MAGEB16: variants seen among roughly 807,000 people sequenced by gnomAD.
MAGEB16 encodes the protein MAGE family member B16, also known as melanoma-associated antigen B16.
For missense variants in MAGEB16, 217 were observed against 234.0 expected (o/e 0.93, Z 0.47); for synonymous variants, 95 against 92.1 (o/e 1.03, Z -0.18).
chrX:35,799,702 C>A (rs1440301284), intron 1 of MAGEB16, among the ~76,000 whole-genome samples: 1 of 111,570 alleles, frequency 9.0e-6, no homozygotes, highest in African/African-American at 3.3e-5. Context: ...TCCACACACT[C>A]CTCTATGGTG....
intron 1 of MAGEB16, among the ~76,000 whole-genome samples, chrX:35,799,527 G>C (rs1338971559): frequency 8.9e-6 from 1 of 111,828 alleles, no homozygotes; most frequent in Non-Finnish European, 1.9e-5. Context: ...TTAGGGAAGT[G>C]AAGGTTTTGT....
chrX:35,802,388 T>C, exon 2 of MAGEB16: 1 of 1,207,966 alleles, frequency 8.3e-7, no homozygotes, highest in Non-Finnish European at 1.1e-6. Flanking sequence ...CTCTTGAGGT[T>C]CCTCAGAGTT....
chrX:35,800,056 C>T (rs775359080), intron 1 of MAGEB16, among the ~76,000 whole-genome samples: 1 of 111,313 alleles, frequency 9.0e-6, no homozygotes, highest in South Asian at 3.8e-4. Flanking sequence ...CCACAGTCTC[C>T]ACCCATGGTG....
At chrX:35,803,755 A>G (rs1363316371), downstream of MAGEB16, 1 of 121,139 alleles carries the variant, frequency 8.3e-6, no homozygotes, top group Non-Finnish European at 1.9e-5. Flanking sequence ...TTTGGAATAA[A>G]AAATAGATAA....
At chrX:35,802,854 G>A (rs1158430791) in exon 2 of MAGEB16, 1 of 1,211,976 alleles carries the variant, frequency 8.3e-7, no homozygotes, top group Non-Finnish European at 1.1e-6. Flanking sequence ...GGGCAACCGT[G>A]CCACTGAAGA....
chrX:35,799,357 G>A (rs899293071), intron 1 of MAGEB16, among the ~76,000 whole-genome samples: 51 of 111,101 alleles, frequency 4.6e-4, no homozygotes, highest in African/African-American at 1.2e-3. Flanking sequence ...CCGACTGGAG[G>A]GAACACATTA....
intron 1 of MAGEB16, chrX:35,800,558 C>T: frequency 1.9e-6 from 1 of 525,496 alleles, no homozygotes; most frequent in Non-Finnish European, 3.5e-6. Context: ...GAAGCCCAAC[C>T]AGTAGTCAAA....
chrX:35,799,941 C>G (rs1025136037), intron 1 of MAGEB16, among the ~76,000 whole-genome samples: 1 of 111,069 alleles, frequency 9.0e-6, no homozygotes, highest in Non-Finnish European at 1.9e-5. Context: ...TTTGAGGGAG[C>G]TAAGTAAGGC....
intron 1 of MAGEB16, chrX:35,800,533 C>T: frequency 1.9e-6 from 1 of 525,300 alleles, no homozygotes; most frequent in Non-Finnish European, 3.5e-6. Flanking sequence ...CATTAGCTAT[C>T]AGAAGATGGG....
At chrX:35,802,632 G>T (rs1009330361) in exon 2 of MAGEB16, 3 of 1,210,800 alleles carry the variant, frequency 2.5e-6, no homozygotes, top group Non-Finnish European at 3.4e-6. Context: ...TATCATCAAA[G>T]ATGATGAGAG....
intron 1 of MAGEB16, among the ~76,000 whole-genome samples, chrX:35,799,700 C>G (rs1242110328): frequency 9.0e-6 from 1 of 111,690 alleles, no homozygotes; most frequent in African/African-American, 3.3e-5. Flanking sequence ...CATCCACACA[C>G]TCCTCTATGG....
rs193274417 is a variant in MAGEB16, at chrX:35,799,208, G to C, written c.-67+790G>C. On this transcript the variant is annotated intron_variant, in intron 1 of 1. Transcript: ENST00000399988. ...CTGAATGAGTTTTAAGGTTCTGCAGGCTCCACAAAAGAGGTTGTGCCACAG... is the reference window on the plus strand; with the variant it reads ...CTGAATGAGTTTTAAGGTTCTGCAGCCTCCACAAAAGAGGTTGTGCCACAG... 4.0e-3 allele frequency among the ~76,000 whole-genome samples: 446 copies of C among 110,338 alleles called. 5 individuals carry two copies. Among genetic ancestry groups the C allele is most frequent in the African/African-American group, 0.014 (424 of 30,281 alleles).
chrX:35,799,073 G>A (rs1006846897), intron 1 of MAGEB16, among the ~76,000 whole-genome samples: 5 of 103,844 alleles, frequency 4.8e-5, no homozygotes, highest in African/African-American at 1.4e-4. Context: ...TAGTAGAGAC[G>A]GGGTTTCACC....
At chrX:35,801,159 C>A (rs1934859347) in intron 1 of MAGEB16, among the ~76,000 whole-genome samples, 1 of 111,426 alleles carries the variant, frequency 9.0e-6, no homozygotes, top group African/African-American at 3.3e-5. Flanking sequence ...GAGGCCGGGG[C>A]CTGTGAAAAG....
chrX:35,803,021 C>G, exon 2 of MAGEB16: 2 of 1,211,926 alleles, frequency 1.7e-6, no homozygotes, highest in Non-Finnish European at 2.2e-6. Flanking sequence ...GATATGAATT[C>G]CTGTGGGGCC....
chrX:35,803,164 G>C, exon 2 of MAGEB16: 1 of 1,172,023 alleles, frequency 8.5e-7, no homozygotes, highest in Non-Finnish European at 1.1e-6. Flanking sequence ...GCTAGAGCCA[G>C]AATTTGAGTC....
exon 2 of MAGEB16, chrX:35,802,219 C>A: frequency 8.3e-7 from 1 of 1,211,426 alleles, no homozygotes; most frequent in Non-Finnish European, 1.1e-6. Flanking sequence ...CAGGAGAGTC[C>A]ACGATGCACA....
exon 2 of MAGEB16, chrX:35,802,760 C>A: frequency 3.3e-6 from 4 of 1,211,452 alleles, no homozygotes; most frequent in Non-Finnish European, 4.5e-6. Context: ...AACTGGGCCT[C>A]ACCTATGATG....
chrX:35,802,261 C>A (rs776763699), exon 2 of MAGEB16: 1 of 1,211,316 alleles, frequency 8.3e-7, no homozygotes, highest in East Asian at 3.0e-5. Flanking sequence ...TTCAGTGAGA[C>A]CCAGAGCCTG....
Sources: gnomAD v4.1 joint callset for allele counts (sites outside exome capture counted in the v4.1 genomes callset) on GRCh38, gnomAD v4.1.1 for gene constraint, MANE v1.5 for transcripts, NCBI Gene and HGNC (gene_info 2026-07-23, HGNC 2026-07-21) for gene names.